SHISA6: variants seen among roughly 807,000 people sequenced by gnomAD.
SHISA6 encodes shisa family member 6.
SHISA6 carries 22 observed loss-of-function variants against 47.9 expected under a neutral mutation model. The observed-to-expected ratio is 0.46, with a 90% CI of 0.33 to 0.66. SHISA6 has a LOEUF of 0.66. Among genes scored for constraint, SHISA6 ranks in the 30% least tolerant of loss-of-function variants. The pLI, the probability that SHISA6 is intolerant of heterozygous loss-of-function variation, is 0.02. For synonymous variants in SHISA6, 388 were observed against 337.8 expected, an observed-to-expected ratio of 1.15 and a Z score of -1.63; for missense variants, 680 against 764.6, an observed-to-expected ratio of 0.89 and a Z score of 1.30.
rs1208001707 is a variant in SHISA6 at position 11,376,491 on chromosome 17, AT to A, written c.800-2917del. ...AGGCCTGTGCCACCACACTTGGCTC[AT>A]TTTTTGTATTTTTAGTAAAGACGGG... On this transcript the variant is annotated intron_variant, in intron 2 of 5. Transcript: ENST00000441885. Among the ~76,000 whole-genome samples, 6 of 151,814 alleles carry A rather than the reference AT, an allele frequency of 4.0e-5. No homozygotes were observed. The East Asian group carries it at 1.2e-3, about 29-fold the overall frequency.
At chr17:11,477,945 T>C (rs1413386559) in intron 3 of SHISA6, among the ~76,000 whole-genome samples, 1 of 136,722 alleles carries the variant, frequency 7.3e-6, no homozygotes, top group Non-Finnish European at 1.5e-5. Context: ...AGTAATGGGA[T>C]GGCTGGGTCA....
At chr17:11,371,344 G>A (rs974729050) in intron 2 of SHISA6, among the ~76,000 whole-genome samples, 1 of 152,172 alleles carries the variant, frequency 6.6e-6, no homozygotes, top group Non-Finnish European at 1.5e-5. Context: ...GGAGCCCTCA[G>A]GCCAGAGAGC....
intron 3 of SHISA6, among the ~76,000 whole-genome samples, chr17:11,486,833 C>T (rs1916360190): frequency 6.6e-6 from 1 of 152,206 alleles, no homozygotes; most frequent in Admixed American, 6.5e-5. Context: ...ACAGAAGGAG[C>T]GCGAAAGAAA....
intron 2 of SHISA6, among the ~76,000 whole-genome samples, chr17:11,351,225 G>A (rs1911879843): frequency 6.6e-6 from 1 of 152,082 alleles, no homozygotes; most frequent in African/African-American, 2.4e-5. Flanking sequence ...GGTTTCATAG[G>A]TGCAGCAAAC....
At chr17:11,390,836 C>T (rs1015867043) in intron 3 of SHISA6, among the ~76,000 whole-genome samples, 1 of 152,044 alleles carries the variant, frequency 6.6e-6, no homozygotes, top group Non-Finnish European at 1.5e-5. Context: ...TTACATTTGC[C>T]CATTCCAGTG....
At chr17:11,265,788 T>G (rs1223804665) in intron 2 of SHISA6, among the ~76,000 whole-genome samples, 2 of 152,186 alleles carry the variant, frequency 1.3e-5, no homozygotes, top group East Asian at 3.8e-4. Context: ...ACAGACTGAT[T>G]AGGTGGACAG....
chr17:11,508,527 G>A (rs1009166765), intron 3 of SHISA6, among the ~76,000 whole-genome samples: 6 of 135,032 alleles, frequency 4.4e-5, no homozygotes, highest in Non-Finnish European at 9.6e-5. Context: ...ATTCACTCAT[G>A]GTTGAATCAG....
intron 2 of SHISA6, among the ~76,000 whole-genome samples, chr17:11,375,524 G>A (rs1912770515): frequency 6.6e-6 from 1 of 152,190 alleles, no homozygotes; most frequent in African/African-American, 2.4e-5. Context: ...TCTTTACAGA[G>A]ATCACCATTT....
intron 1 of SHISA6, among the ~76,000 whole-genome samples, chr17:11,258,477 A>G (rs115789853): frequency 1.7e-4 from 26 of 152,356 alleles, no homozygotes; most frequent in African/African-American, 5.8e-4. Context: ...GGGGGGAACT[A>G]AGTTTGACCA....
intron 2 of SHISA6, among the ~76,000 whole-genome samples, chr17:11,267,348 A>G (rs887816846): frequency 2.0e-5 from 3 of 152,144 alleles, no homozygotes; most frequent in Non-Finnish European, 4.4e-5. Flanking sequence ...CCTCAAACCT[A>G]CTGAATCTGA....
intron 3 of SHISA6, among the ~76,000 whole-genome samples, chr17:11,460,676 C>T (rs1309119430): frequency 2.0e-5 from 3 of 152,204 alleles, no homozygotes; most frequent in Non-Finnish European, 4.4e-5. Flanking sequence ...CAGGCATGAG[C>T]CAGTGATGAG....
At chr17:11,364,032 C>T (rs1324604961) in intron 2 of SHISA6, among the ~76,000 whole-genome samples, 1 of 152,200 alleles carries the variant, frequency 6.6e-6, no homozygotes, top group African/African-American at 2.4e-5. Flanking sequence ...CACCAGCTTG[C>T]TCTTGAATTC....
intron 3 of SHISA6, among the ~76,000 whole-genome samples, chr17:11,481,146 G>T (rs1012803231): frequency 6.6e-6 from 1 of 151,896 alleles, no homozygotes; most frequent in African/African-American, 2.4e-5. Context: ...AGGTGTGGTG[G>T]CATGTGCCTG....
intron 3 of SHISA6, among the ~76,000 whole-genome samples, chr17:11,412,699 G>A (rs1043773177): frequency 2.0e-5 from 3 of 151,958 alleles, no homozygotes; most frequent in Non-Finnish European, 4.4e-5. Context: ...CGGCCACCGT[G>A]CCGGGCTAAT....
At chr17:11,476,991 G>T (rs1464176027) in intron 3 of SHISA6, among the ~76,000 whole-genome samples, 4 of 152,220 alleles carry the variant, frequency 2.6e-5, no homozygotes, top group South Asian at 4.2e-4. Flanking sequence ...TTGAGAAGTG[G>T]TCCTTTTATT....
rs1179911569 is a variant in SHISA6, at chr17:11,544,084, T to C, written c.896-7812T>C. Reference sequence around the variant, plus strand: ...AAAAATTAACTCAAAATAGATCATGTATTTAAATGTAAAATATAAAACTAT... The same window carrying C: ...AAAAATTAACTCAAAATAGATCATGCATTTAAATGTAAAATATAAAACTAT... On this transcript the variant is annotated intron_variant, in intron 3 of 5. Coordinates refer to ENST00000441885, the MANE Select transcript of SHISA6 (RefSeq NM_207386.4). 2.6e-5 allele frequency among the ~76,000 whole-genome samples: 4 copies of C among 151,280 alleles called. No individual in the cohort carries two copies. The East Asian group carries it at 5.8e-4, about 22-fold the overall frequency.
chr17:11,554,228 T>G (rs1459344981), intron 4 of SHISA6, among the ~76,000 whole-genome samples: 2 of 152,156 alleles, frequency 1.3e-5, no homozygotes, highest in African/African-American at 4.8e-5. Context: ...CTCACTCCAC[T>G]TCCTGGCATC....
At chr17:11,279,050 T>C (rs553109021) in intron 2 of SHISA6, among the ~76,000 whole-genome samples, 4 of 152,252 alleles carry the variant, frequency 2.6e-5, no homozygotes, top group African/African-American at 9.6e-5. Flanking sequence ...GTCTTGTAAG[T>C]GCTGTGGAGC....
intron 2 of SHISA6, among the ~76,000 whole-genome samples, chr17:11,323,692 A>C (rs1023845407): frequency 8.9e-5 from 13 of 146,776 alleles, no homozygotes; most frequent in African/African-American, 3.3e-4. Flanking sequence ...AATAATAATA[A>C]TAATAATACA....
Sources: allele counts gnomAD v4.1 joint callset (sites outside exome capture counted in the v4.1 genomes callset), GRCh38; gene constraint gnomAD v4.1.1; transcripts MANE v1.5; gene names NCBI Gene and HGNC (gene_info 2026-07-23, HGNC 2026-07-21).